AGPAT4: variants seen among roughly 807,000 people sequenced by gnomAD.
AGPAT4 encodes 1-acyl-sn-glycerol-3-phosphate acyltransferase delta.
AGPAT4 carries 15 observed loss-of-function variants against 48.0 expected under a neutral mutation model. The ratio of observed to expected loss-of-function variants is 0.31; its 90% CI spans 0.21 to 0.48. AGPAT4 has a LOEUF of 0.48. Ranked by LOEUF, AGPAT4 falls within the 20% of genes least tolerant of loss-of-function variation. The pLI is 0.99. For missense variants in AGPAT4, 314 were observed against 482.5 expected (o/e 0.65, Z 3.27); for synonymous variants, 178 against 198.7 (o/e 0.90, Z 0.88).
At position 161,216,673 on chromosome 6, in the gene AGPAT4, G is replaced by A. The variant is rs935941871; in HGVS notation, c.178+15363C>T. Among the ~76,000 whole-genome samples the A allele has an allele frequency of 6.6e-6, 1 of 152,234 alleles. No homozygotes were observed. The highest frequency in any genetic ancestry group is 1.5e-5 in the Non-Finnish European group (1 of 68,052). On this transcript the variant is annotated intron_variant, in intron 2 of 8. Coordinates refer to ENST00000320285, the MANE Select transcript of AGPAT4 (RefSeq NM_020133.3). This position sits in a 1 kb window ranked among gnomAD's most constrained non-coding sequence, Gnocchi z 4.8. ...ATTGGACTTACAGTTCCACATGGCTGAGGAGTTCTCACAATCATGGTGGGA... is the reference window on the plus strand; with the variant it reads ...ATTGGACTTACAGTTCCACATGGCTAAGGAGTTCTCACAATCATGGTGGGA...
intron 5 of AGPAT4, among the ~76,000 whole-genome samples, chr6:161,150,851 T>C (rs1402239227): frequency 1.3e-5 from 2 of 152,232 alleles, no homozygotes; most frequent in African/African-American, 2.4e-5. Flanking sequence ...TGTAGTGTCC[T>C]AGGGCTTCCC....
chr6:161,133,096 T>C lies in AGPAT4; in HGVS notation c.*3444A>G, dbSNP rs1778954732. ...ATCTCTTGAGCAGAAGTAGAGACCCTAGAGAATCTTCACTGGATACCTTGC... is the reference window on the plus strand; with the variant it reads ...ATCTCTTGAGCAGAAGTAGAGACCCCAGAGAATCTTCACTGGATACCTTGC... On this transcript the variant is annotated 3_prime_UTR_variant, in exon 9 of 9. Coordinates refer to ENST00000320285, the MANE Select transcript of AGPAT4 (RefSeq NM_020133.3). 6.6e-6 allele frequency: 1 copy of C among 152,232 alleles called. No homozygotes were observed. The highest frequency in any genetic ancestry group is 2.4e-5 in the African/African-American group (1 of 41,456). The allele number at this position is 152,232 out of a possible 1,614,324, so 9.4% of individuals were successfully genotyped here.
Position 161,166,354 on chromosome 6 carries a change from G to A in AGPAT4, c.242C>T (p.Ala81Val). 3 of 1,614,090 alleles carry A rather than the reference G, an allele frequency of 1.9e-6. No homozygotes were observed. Among genetic ancestry groups the A allele is most frequent in the Non-Finnish European group, 2.5e-6 (3 of 1,180,024 alleles). ...TECTIFTDPR[A>V]YLKYGKENAI... The stretch of plus-strand genomic sequence containing the variant: ...ATTTTCCTTCCCATACTTGAGGTAG[G>A]CGCGCGGGTCCGTGAAGATGGTGCA... Residue 81 changes from alanine (A) to valine (V), a missense_variant, in exon 3 of 9, where the codon GCC (alanine) becomes GTC (valine). Ala to Val is a moderately conservative substitution (Grantham distance 64). Coordinates refer to ENST00000320285, the MANE Select transcript of AGPAT4 (RefSeq NM_020133.3). The surrounding 1 kb of genome is among the most constrained non-coding windows in gnomAD (Gnocchi z 6.7).
rs1782628968 is a variant in AGPAT4 at position 161,245,721 on chromosome 6, A to G, written c.-89-13419T>C. On this transcript the variant is annotated intron_variant, in intron 1 of 8. Transcript: ENST00000320285. This position sits in a 1 kb window ranked among gnomAD's most constrained non-coding sequence, Gnocchi z 5.2. ...GTCCGTGAAGTGCCCTCAATCCTTG[A>G]GTTCTTGGAGATCCTGTCATTGCCA... 6.6e-6 allele frequency among the ~76,000 whole-genome samples: 1 copy of G among 152,026 alleles called. No homozygotes were observed. The highest frequency in any genetic ancestry group is 1.5e-5 in the Non-Finnish European group (1 of 68,006).
At position 161,202,958 on chromosome 6, in the gene AGPAT4, T is replaced by A. The variant is rs771544786; in HGVS notation, c.178+29078A>T. Among the ~76,000 whole-genome samples, 7 of 152,176 alleles carry A rather than the reference T, an allele frequency of 4.6e-5. No individual in the cohort carries two copies. Among genetic ancestry groups the A allele is most frequent in the Non-Finnish European group, 7.3e-5 (5 of 68,038 alleles). On this transcript the variant is annotated intron_variant, in intron 2 of 8. Coordinates refer to ENST00000320285, the MANE Select transcript of AGPAT4 (RefSeq NM_020133.3). This position sits in a 1 kb window ranked among gnomAD's most constrained non-coding sequence, Gnocchi z 5.4. Reference sequence around the variant, plus strand: ...CAGCCAACATCAACCTCCAGGCTTGTGAGTAAAGATACCAGCCCTTGATTT... The same window carrying A: ...CAGCCAACATCAACCTCCAGGCTTGAGAGTAAAGATACCAGCCCTTGATTT...
chr6:161,162,684 C>A (rs1052754247), intron 3 of AGPAT4, among the ~76,000 whole-genome samples: 2 of 152,234 alleles, frequency 1.3e-5, no homozygotes, highest in Non-Finnish European at 2.9e-5. Flanking sequence ...GATAACTAAT[C>A]CACATGGCTT....
chr6:161,257,231 C>T (rs1297192267), intron 1 of AGPAT4, among the ~76,000 whole-genome samples: 1 of 152,300 alleles, frequency 6.6e-6, no homozygotes, highest in East Asian at 1.9e-4. Flanking sequence ...AGCCACAGGA[C>T]GGAAGACCAC....
chr6:161,190,002 G>A (rs368189028), intron 2 of AGPAT4, among the ~76,000 whole-genome samples: 13 of 152,018 alleles, frequency 8.6e-5, no homozygotes, highest in African/African-American at 2.9e-4. Flanking sequence ...TGCACCTTAC[G>A]GTCAATGACT....
chr6:161,148,866 G>C lies in AGPAT4; in HGVS notation c.767+321C>G. 6.6e-6 allele frequency among the ~76,000 whole-genome samples: 1 copy of C among 152,168 alleles called. No homozygotes were observed. The highest frequency in any genetic ancestry group is 1.9e-4 in the East Asian group (1 of 5,200). On this transcript the variant is annotated intron_variant, in intron 6 of 8. Transcript: ENST00000320285. The surrounding 1 kb of genome is among the most constrained non-coding windows in gnomAD (Gnocchi z 5.5). The stretch of plus-strand genomic sequence containing the variant: ...ACATCTGTGTGTATTCCATACAGCA[G>C]ACCCATCGCCCACGAAAAGGGTCAA...
intron 5 of AGPAT4, among the ~76,000 whole-genome samples, chr6:161,152,743 G>A (rs1464351668): frequency 2.6e-5 from 4 of 152,146 alleles, no homozygotes; most frequent in Non-Finnish European, 4.4e-5. Flanking sequence ...ACAGGAAGCC[G>A]CCCCCAGGGC....
chr6:161,236,485 G>A lies in AGPAT4; in HGVS notation c.-89-4183C>T, dbSNP rs1782279624. 6.6e-6 allele frequency among the ~76,000 whole-genome samples: 1 copy of A among 152,146 alleles called. No homozygotes were observed. Among genetic ancestry groups the A allele is most frequent in the South Asian group, 2.1e-4 (1 of 4,822 alleles). ...CTTGAGACACCCTAGGGATGGGAGT[G>A]CAGGAGGCCAAATTCTACTGGGAAT... On this transcript the variant is annotated intron_variant, in intron 1 of 8. Coordinates refer to ENST00000320285, the MANE Select transcript of AGPAT4 (RefSeq NM_020133.3). This position sits in a 1 kb window ranked among gnomAD's most constrained non-coding sequence, Gnocchi z 5.0.
At chr6:161,192,143 T>A (rs1780943382) in intron 2 of AGPAT4, among the ~76,000 whole-genome samples, 1 of 16,540 alleles carries the variant, frequency 6.0e-5, no homozygotes, top group Admixed American at 9.0e-4. Flanking sequence ...GAAGTTATAC[T>A]TTTTTTTTTT....
Position 161,215,707 on chromosome 6 carries a change from T to C in AGPAT4, c.178+16329A>G, listed in dbSNP as rs78040074. 7.2e-5 allele frequency among the ~76,000 whole-genome samples: 9 copies of C among 124,902 alleles called. No individual in the cohort carries two copies. In the South Asian group the frequency reaches 1.3e-3, roughly 18 times the overall value. The allele number at this position is 124,902 out of a possible 152,430, so 81.9% of individuals were successfully genotyped here. A position where few individuals can be genotyped will look rare whatever the true frequency, so the allele number is the denominator to read the frequency against. On this transcript the variant is annotated intron_variant, in intron 2 of 8. Transcript: ENST00000320285. The surrounding 1 kb of genome is among the most constrained non-coding windows in gnomAD (Gnocchi z 4.5). Reference sequence around the variant, plus strand: ...CACAGTAGAATAACCTCCCTTACCATAAAAAAAAAAAAAAAGAAAACACAA... The same window carrying C: ...CACAGTAGAATAACCTCCCTTACCACAAAAAAAAAAAAAAAGAAAACACAA...
rs879662313 is a variant in AGPAT4, at chr6:161,148,353, G to A, written c.767+834C>T. On this transcript the variant is annotated intron_variant, in intron 6 of 8. Coordinates refer to ENST00000320285, the MANE Select transcript of AGPAT4 (RefSeq NM_020133.3). This position sits in a 1 kb window ranked among gnomAD's most constrained non-coding sequence, Gnocchi z 5.5. Reference sequence around the variant, plus strand: ...TTAGATCAGAAGCTACTTAACTTTGGCCGCCAGTCCACCAAAATATCTCCC... The same window carrying A: ...TTAGATCAGAAGCTACTTAACTTTGACCGCCAGTCCACCAAAATATCTCCC... Among the ~76,000 whole-genome samples, 7 of 152,192 alleles carry A rather than the reference G, an allele frequency of 4.6e-5. No individual in the cohort carries two copies. The highest frequency in any genetic ancestry group is 2.0e-4 in the Admixed American group (3 of 15,280).
chr6:161,153,981 C>T, intron 4 of AGPAT4, 168 bp downstream of exon 4: 1 of 896,486 alleles, frequency 1.1e-6, no homozygotes, highest in Non-Finnish European at 1.7e-6. Context: ...TCACACACGG[C>T]CCCATGGTCA....
Position 161,147,864 on chromosome 6 carries a change from T to G in AGPAT4, c.768-1265A>C, listed in dbSNP as rs1377182294. The stretch of plus-strand genomic sequence containing the variant: ...TGTTTCAGTGCTTTGTACTGATGTG[T>G]GTTCAGAAACATGCCTCAATCATTT... On this transcript the variant is annotated intron_variant, in intron 6 of 8. Transcript: ENST00000320285. The surrounding 1 kb of genome is among the most constrained non-coding windows in gnomAD (Gnocchi z 4.8). 6.6e-6 allele frequency among the ~76,000 whole-genome samples: 1 copy of G among 152,244 alleles called. No individual in the cohort carries two copies. The highest frequency in any genetic ancestry group is 1.9e-4 in the East Asian group (1 of 5,200).
intron 1 of AGPAT4, among the ~76,000 whole-genome samples, chr6:161,269,988 G>A (rs145788075): frequency 5.3e-5 from 8 of 152,328 alleles, no homozygotes; most frequent in Middle Eastern, 3.4e-3. Context: ...GCAAGAGTGT[G>A]CCAAGGAAAA....
At chr6:161,224,640 CAAAAAAAA>C (rs71543000) in intron 2 of AGPAT4, among the ~76,000 whole-genome samples, 3 of 78,662 alleles carry the variant, frequency 3.8e-5, no homozygotes, top group East Asian at 4.6e-4. Flanking sequence ...GACTCCTTCT[CAAAAAAAA>C]AAAAAAAAAA....
In AGPAT4 at chr6:161,244,837, C is replaced by A. The variant is rs1782606498; in HGVS notation, c.-89-12535G>T. ...ACTGTCTTTGGCCCCCTGAGCAAAGCTCCTAATCAGTGAAGGTCACCAACC... is the reference window on the plus strand; with the variant it reads ...ACTGTCTTTGGCCCCCTGAGCAAAGATCCTAATCAGTGAAGGTCACCAACC... On this transcript the variant is annotated intron_variant, in intron 1 of 8. Transcript: ENST00000320285. The surrounding 1 kb of genome is among the most constrained non-coding windows in gnomAD (Gnocchi z 4.7). Among the ~76,000 whole-genome samples, 1 of 152,176 alleles carries A rather than the reference C, an allele frequency of 6.6e-6. No individual in the cohort carries two copies. The highest frequency in any genetic ancestry group is 1.5e-5 in the Non-Finnish European group (1 of 68,038).
Sources: allele counts gnomAD v4.1 joint callset (sites outside exome capture counted in the v4.1 genomes callset), GRCh38; gene constraint gnomAD v4.1.1; non-coding constraint Gnocchi (gnomAD v3.1); transcripts MANE v1.5; gene names NCBI Gene and HGNC (gene_info 2026-07-23, HGNC 2026-07-21).